The following ENPP6 variants were observed in gnomAD, a reference collection of about 807,000 sequenced individuals.
The protein encoded by ENPP6 is glycerophosphocholine cholinephosphodiesterase ENPP6.
In ENPP6, 32 loss-of-function variants were observed where a neutral mutation model predicts 42.0. The observed-to-expected ratio is 0.76, with a 90% CI of 0.58 to 1.02. The LOEUF is 1.02. ENPP6 is among the 50% of genes least tolerant of loss of function. The pLI is 0.00. For synonymous variants in ENPP6, 213 were observed against 216.0 expected (o/e 0.99, Z 0.12); for missense variants, 552 against 566.8 (o/e 0.97, Z 0.27).
chr4:184,111,522 G>A (rs1299530792), intron 6 of ENPP6, among the ~76,000 whole-genome samples: 1 of 151,996 alleles, frequency 6.6e-6, no homozygotes, highest in African/African-American at 2.4e-5. Context: ...GTGATGAGAA[G>A]CATTTTGGAT....
intron 1 of ENPP6, among the ~76,000 whole-genome samples, chr4:184,164,572 A>G (rs930562526): frequency 6.6e-6 from 1 of 152,168 alleles, no homozygotes; most frequent in Middle Eastern, 3.2e-3. Flanking sequence ...GGGCTACGAG[A>G]AGCTAAAGAA....
chr4:184,160,348 C>T (rs150664489), intron 1 of ENPP6, among the ~76,000 whole-genome samples: 100 of 152,270 alleles, frequency 6.6e-4, no homozygotes, highest in African/African-American at 2.3e-3. Flanking sequence ...ACCATTCTTG[C>T]AGGAGTAAGG....
At chr4:184,200,673 T>C (rs906397981) in intron 1 of ENPP6, among the ~76,000 whole-genome samples, 11 of 152,200 alleles carry the variant, frequency 7.2e-5, no homozygotes, top group African/African-American at 2.7e-4. Context: ...CTCTGCCCCC[T>C]TTCCCTGCCC....
At chr4:184,111,356 G>A (rs1736192941) in intron 6 of ENPP6, among the ~76,000 whole-genome samples, 1 of 152,228 alleles carries the variant, frequency 6.6e-6, no homozygotes, top group Non-Finnish European at 1.5e-5. Flanking sequence ...GCCCTTTGGT[G>A]TGATCTGGAA....
At chr4:184,126,107 G>C (rs1736498381) in intron 2 of ENPP6, among the ~76,000 whole-genome samples, 2 of 152,272 alleles carry the variant, frequency 1.3e-5, no homozygotes, top group Admixed American at 1.3e-4. Context: ...TATGACCATG[G>C]TTTTGCAGAT....
At chr4:184,211,088 G>A (rs1733102108) in intron 1 of ENPP6, among the ~76,000 whole-genome samples, 1 of 150,342 alleles carries the variant, frequency 6.7e-6, no homozygotes, top group South Asian at 2.2e-4. Context: ...ATTCAAAGCA[G>A]TGTGTAGAGG....
intron 6 of ENPP6, among the ~76,000 whole-genome samples, chr4:184,101,303 CTT>C (rs1735999309): frequency 1.1e-5 from 1 of 89,636 alleles, no homozygotes; most frequent in African/African-American, 3.9e-5. Flanking sequence ...TGTGTGTGAG[CTT>C]GTGTGTGTGT....
chr4:184,215,901 C>G (rs1733187692), intron 1 of ENPP6, among the ~76,000 whole-genome samples: 1 of 152,152 alleles, frequency 6.6e-6, no homozygotes, highest in Non-Finnish European at 1.5e-5. Flanking sequence ...ATGACGGAGG[C>G]TGTGTGCAAA....
At chr4:184,213,175 A>G (rs1458408240) in intron 1 of ENPP6, among the ~76,000 whole-genome samples, 1 of 152,102 alleles carries the variant, frequency 6.6e-6, no homozygotes, top group Non-Finnish European at 1.5e-5. Context: ...GGACATAGGC[A>G]TGGGCAAGGA....
intron 1 of ENPP6, among the ~76,000 whole-genome samples, chr4:184,202,227 C>T (rs558722159): frequency 6.6e-6 from 1 of 152,354 alleles, no homozygotes; most frequent in South Asian, 2.1e-4. Context: ...GCCCTTCAAA[C>T]TTTCCCATCT....
intron 1 of ENPP6, among the ~76,000 whole-genome samples, chr4:184,194,651 C>T (rs140685340): frequency 7.7e-4 from 117 of 152,344 alleles, no homozygotes; most frequent in African/African-American, 2.7e-3. Context: ...AAGTCTTCTT[C>T]CCAGACCAGG....
Position 184,091,259 on chromosome 4 carries a change from A to G in ENPP6, c.1241T>C (p.Leu414Pro). ...CGGGGCAGTGCTGGCGCGGCCCTTC[A>G]GCATGCACATCACCCTGGACCAGGA... ...NGSWSRVMCM[L>P]KGRASTAPPV... The change falls in exon 8 of 8, where the codon CTG becomes CCG. Residue 414 changes from leucine to proline, a missense_variant. Leu to Pro is a moderately conservative substitution (Grantham distance 98, BLOSUM62 -3). Transcript: ENST00000296741. 1.2e-6 allele frequency: 2 copies of G among 1,611,376 alleles called. No individual in the cohort carries two copies. The highest frequency in any genetic ancestry group is 2.2e-5 in the South Asian group (2 of 90,500).
chr4:184,141,274 A>G (rs1360809164), intron 2 of ENPP6, among the ~76,000 whole-genome samples: 1 of 152,132 alleles, frequency 6.6e-6, no homozygotes, highest in Non-Finnish European at 1.5e-5. Context: ...CAATCTGTGA[A>G]GTGGGCGAGC....
chr4:184,173,497 A>G (rs1362357902), intron 1 of ENPP6, among the ~76,000 whole-genome samples: 2 of 152,224 alleles, frequency 1.3e-5, no homozygotes, highest in East Asian at 3.8e-4. Flanking sequence ...GTCTAAGGGC[A>G]ATGTTTTTGT....
chr4:184,200,248 G>A (rs1732869763), intron 1 of ENPP6, among the ~76,000 whole-genome samples: 1 of 152,190 alleles, frequency 6.6e-6, no homozygotes, highest in South Asian at 2.1e-4. Context: ...GATGCCAGAA[G>A]CGGTGAGGAC....
intron 2 of ENPP6, among the ~76,000 whole-genome samples, chr4:184,139,506 CT>C (rs1298981625): frequency 8.4e-6 from 1 of 119,604 alleles, no homozygotes; most frequent in Non-Finnish European, 1.7e-5. Context: ...TCCCTCCCCC[CT>C]CCCCCCACCC....
chr4:184,184,060 C>A lies in ENPP6; in HGVS notation c.242-30327G>T, dbSNP rs981334028. On this transcript the variant is annotated intron_variant, in intron 1 of 7. Coordinates refer to ENST00000296741, the MANE Select transcript of ENPP6 (RefSeq NM_153343.4). The surrounding 1 kb of genome is among the most constrained non-coding windows in gnomAD (Gnocchi z 4.7). ...AGCGTCTGTGAATGACTACATGGAG[C>A]GAGCCCCACCTCCATGCACCAACTG... Among the ~76,000 whole-genome samples the A allele has an allele frequency of 1.3e-5, 2 of 152,110 alleles. No individual in the cohort carries two copies. The highest frequency in any genetic ancestry group is 4.8e-5 in the African/African-American group (2 of 41,422).
intron 2 of ENPP6, among the ~76,000 whole-genome samples, chr4:184,136,761 T>G (rs1736735670): frequency 6.6e-6 from 1 of 152,268 alleles, no homozygotes; most frequent in African/African-American, 2.4e-5. Flanking sequence ...CTTTTAAGAT[T>G]TTCTCATTGT....
chr4:184,186,907 C>T lies in ENPP6; in HGVS notation c.241+30672G>A, dbSNP rs915065227. Among the ~76,000 whole-genome samples the T allele has an allele frequency of 8.9e-4, 135 of 152,154 alleles. 1 individual carries two copies. Among genetic ancestry groups the T allele is most frequent in the African/African-American group, 3.1e-3 (129 of 41,436 alleles). On this transcript the variant is annotated intron_variant, in intron 1 of 7. Transcript: ENST00000296741. ...ACACTACCCCCCTACTCAGAACCCTCCAAAGGTGAGCCCCACACTCAGAAT... is the reference window on the plus strand; with the variant it reads ...ACACTACCCCCCTACTCAGAACCCTTCAAAGGTGAGCCCCACACTCAGAAT...
Sources: allele counts gnomAD v4.1 joint callset (sites outside exome capture counted in the v4.1 genomes callset), GRCh38; gene constraint gnomAD v4.1.1; non-coding constraint Gnocchi (gnomAD v3.1); transcripts MANE v1.5; gene names NCBI Gene and HGNC (gene_info 2026-07-23, HGNC 2026-07-21).